GUCY2F: variants seen among roughly 807,000 people sequenced by gnomAD.
The protein encoded by GUCY2F is guanylate cyclase 2F, retinal, also known as retinal guanylyl cyclase 2.
In GUCY2F, 61 loss-of-function variants were observed where a neutral mutation model predicts 73.1. That is an observed-to-expected ratio of 0.83 (90% confidence interval 0.68 to 1.03). The LOEUF (loss-of-function observed/expected upper bound fraction) is 1.03, where lower values mean the gene tolerates loss of function less well. Ranked by LOEUF, GUCY2F falls within the 50% of genes least tolerant of loss-of-function variation. The probability of loss-of-function intolerance (pLI) is 0.00; values close to 1 mark genes in which losing one functional copy is unlikely to be tolerated. For synonymous variants in GUCY2F, 331 were observed against 307.8 expected (o/e 1.08, Z -0.79); for missense variants, 912 against 854.3 (o/e 1.07, Z -0.84).
At chrX:109,475,087 A>G in intron 2 of GUCY2F, 120 bp downstream of exon 2, 1 of 724,787 alleles carries the variant, frequency 1.4e-6, no homozygotes, top group South Asian at 2.7e-5. Context: ...AAAAAGGGCA[A>G]ATGTGTAAAG....
chrX:109,445,306 T>C (rs1931975133), intron 6 of GUCY2F, among the ~76,000 whole-genome samples: 1 of 112,154 alleles, frequency 8.9e-6, no homozygotes, highest in African/African-American at 3.2e-5. Context: ...ATTATAAGCA[T>C]TATGTCAGGC....
intron 8 of GUCY2F, among the ~76,000 whole-genome samples, chrX:109,416,376 T>C (rs1931240258): frequency 9.1e-6 from 1 of 110,492 alleles, no homozygotes; most frequent in Non-Finnish European, 1.9e-5. Flanking sequence ...TATGAACCAA[T>C]TGGAAAGTAT....
intron 10 of GUCY2F, among the ~76,000 whole-genome samples, chrX:109,402,822 T>G (rs1458255001): frequency 9.0e-6 from 1 of 111,287 alleles, no homozygotes; most frequent in Non-Finnish European, 1.9e-5. Context: ...ACTAGATGAC[T>G]CCCTAAATTT....
chrX:109,374,630 G>C (rs181601848), intron 19 of GUCY2F, among the ~76,000 whole-genome samples: 1 of 111,639 alleles, frequency 9.0e-6, no homozygotes, highest in Non-Finnish European at 1.9e-5. Context: ...TACAGAGAGA[G>C]AGAGAGAGAG....
intron 3 of GUCY2F, among the ~76,000 whole-genome samples, chrX:109,457,649 T>G (rs1304998154): frequency 1.8e-5 from 2 of 111,267 alleles, no homozygotes; most frequent in East Asian, 5.6e-4. Flanking sequence ...GCAGGCAACC[T>G]TTTCTGACAA....
chrX:109,399,838 G>A (rs1244217518), intron 10 of GUCY2F, among the ~76,000 whole-genome samples: 1 of 110,564 alleles, frequency 9.0e-6, no homozygotes, highest in Non-Finnish European at 1.9e-5. Context: ...ATGTGCAAAA[G>A]AACAAGAGGC....
At chrX:109,412,494 T>C (rs1931135282) in intron 8 of GUCY2F, among the ~76,000 whole-genome samples, 1 of 111,961 alleles carries the variant, frequency 8.9e-6, no homozygotes, top group African/African-American at 3.2e-5. Context: ...CTAAACCAGT[T>C]AAGGTGGACA....
intron 7 of GUCY2F, among the ~76,000 whole-genome samples, chrX:109,432,774 A>G (rs991863583): frequency 1.8e-5 from 2 of 112,019 alleles, no homozygotes; most frequent in African/African-American, 6.5e-5. Context: ...ACCAAATTCT[A>G]TCTGCCCAGT....
chrX:109,436,131 A>T (rs1482147771), intron 7 of GUCY2F, among the ~76,000 whole-genome samples: 1 of 112,057 alleles, frequency 8.9e-6, no homozygotes, highest in Non-Finnish European at 1.9e-5. Flanking sequence ...AAAGGATATG[A>T]ACAGACACTT....
chrX:109,424,438 G>C (rs1315004345), intron 8 of GUCY2F, among the ~76,000 whole-genome samples: 1 of 111,675 alleles, frequency 9.0e-6, no homozygotes, highest in Non-Finnish European at 1.9e-5. Context: ...AACAGGTGGA[G>C]CACAGAGGAT....
At chrX:109,469,072 C>G (rs1225961064) in intron 2 of GUCY2F, among the ~76,000 whole-genome samples, 1 of 111,436 alleles carries the variant, frequency 9.0e-6, no homozygotes, top group Non-Finnish European at 1.9e-5. Flanking sequence ...TCCATCCTAT[C>G]AAGCTACTTT....
Position 109,375,941 on chromosome X carries a change from T to C in GUCY2F, c.3285A>G (p.Gln1095=). Residue 1095 remains glutamine (Q), a synonymous_variant, in exon 19 of 20, where the codon CAA becomes CAG. Transcript: ENST00000218006. ...GLQPVEIAAF[Q]RRKAERQLVR... is the part of the protein sequence containing the mutation. ...CCAACTGCCTTTCTGCTTTTCTTCT[T>C]TGGAAGGCTGCAATCTCCACTGGTT... 6 of 1,210,589 alleles carry C rather than the reference T, an allele frequency of 5.0e-6. No homozygotes were observed. Among genetic ancestry groups the C allele is most frequent in the Non-Finnish European group, 6.7e-6 (6 of 894,247 alleles).
At position 109,465,462 on chromosome X, in the gene GUCY2F, G is replaced by T. The variant is rs1449703216; in HGVS notation, c.731-19C>A. On this transcript the variant is annotated intron_variant, in intron 2 of 19. Coordinates refer to ENST00000218006, the MANE Select transcript of GUCY2F (RefSeq NM_001522.3). The stretch of plus-strand genomic sequence containing the variant: ...ATGATTACTGAAACCAACAAAGCAA[G>T]GAGGTTATGGAAGCAAACTGTTAGT... The T allele has an allele frequency of 8.8e-7, 1 of 1,135,561 alleles. No homozygotes were observed. The highest frequency in any genetic ancestry group is 2.0e-5 in the South Asian group (1 of 50,614). 93.6% of individuals were successfully genotyped at this position (1,135,561 alleles called of 1,213,427 possible).
At chrX:109,469,124 G>A (rs767207786) in intron 2 of GUCY2F, among the ~76,000 whole-genome samples, 136 of 110,654 alleles carry the variant, frequency 1.2e-3, no homozygotes, top group Non-Finnish European at 2.1e-3. Flanking sequence ...TTCTGAGATC[G>A]CATCTCACCA....
At chrX:109,462,249 A>T (rs774456333) in intron 3 of GUCY2F, among the ~76,000 whole-genome samples, 4 of 113,222 alleles carry the variant, frequency 3.5e-5, no homozygotes, top group Non-Finnish European at 7.5e-5. Context: ...CTGAGACTCA[A>T]ATGTCTAAGT....
At chrX:109,475,162 T>C (rs1468413145) in intron 2 of GUCY2F, 45 bp downstream of exon 2, 12 of 1,153,392 alleles carry the variant, frequency 1.0e-5, no homozygotes, top group Non-Finnish European at 1.2e-5. Flanking sequence ...TTGTAATCTC[T>C]TTCCCTGAAG....
intron 2 of GUCY2F, among the ~76,000 whole-genome samples, chrX:109,465,852 T>C (rs1298259746): frequency 3.6e-5 from 4 of 112,336 alleles, no homozygotes; most frequent in Non-Finnish European, 7.5e-5. Flanking sequence ...ACTTATGGGA[T>C]GGTAGTGATG....
intron 7 of GUCY2F, among the ~76,000 whole-genome samples, chrX:109,431,470 G>A (rs990755411): frequency 2.4e-4 from 27 of 110,672 alleles, no homozygotes; most frequent in Admixed American, 2.0e-3. Context: ...AGGCTGAGGC[G>A]GGCGGATCGC....
chrX:109,432,838 G>A (rs181172554), intron 7 of GUCY2F, among the ~76,000 whole-genome samples: 13 of 112,107 alleles, frequency 1.2e-4, no homozygotes, highest in Non-Finnish European at 2.4e-4. Context: ...GTGAGAAGTC[G>A]AAATTGGTTC....
Sources: allele counts gnomAD v4.1 joint callset (sites outside exome capture counted in the v4.1 genomes callset), GRCh38; gene constraint gnomAD v4.1.1; transcripts MANE v1.5; gene names NCBI Gene and HGNC (gene_info 2026-07-23, HGNC 2026-07-21).